Variants in OXR1 observed in about 807,000 individuals in gnomAD.
OXR1 encodes the protein oxidation resistance protein 1.
Under a neutral mutation model 104.6 loss-of-function variants are expected in OXR1, and 41 were observed. That is an observed-to-expected ratio of 0.39 (90% CI 0.31 to 0.51). The LOEUF (loss-of-function observed/expected upper bound fraction) is 0.51. Ranked by LOEUF, OXR1 falls within the 20% of genes least tolerant of loss-of-function variation. OXR1 has a pLI of 0.77. For synonymous variants in OXR1, 348 were observed against 348.4 expected (o/e 1.00, Z 0.01); for missense variants, 955 against 1,031.9 (o/e 0.93, Z 1.02).
rs528733765 is a variant in OXR1, at chr8:106,321,237, C to T, written c.-138-38239C>T. On this transcript the variant is annotated intron_variant, in intron 1 of 16. Coordinates refer to ENST00000517566, the MANE Select transcript of OXR1 (RefSeq NM_001198533.2). Reference sequence around the variant, plus strand: ...AAAATTTTGTTTGTTGATAGGACAACTGATGTTAAATAAATTTTTCCACAT... The same window carrying T: ...AAAATTTTGTTTGTTGATAGGACAATTGATGTTAAATAAATTTTTCCACAT... Among the ~76,000 whole-genome samples, 116 of 152,226 alleles carry T rather than the reference C, an allele frequency of 7.6e-4. No homozygotes were observed. The Middle Eastern group carries it at 0.014, about 18-fold the overall frequency.
chr8:106,533,110 C>T (rs1372498844), intron 3 of OXR1, among the ~76,000 whole-genome samples: 8 of 152,160 alleles, frequency 5.3e-5, no homozygotes, highest in African/African-American at 1.9e-4. Flanking sequence ...TTTATGGTGT[C>T]CTTTTCCTAG....
chr8:106,536,048 A>G (rs932690627), intron 3 of OXR1, among the ~76,000 whole-genome samples: 4 of 151,908 alleles, frequency 2.6e-5, no homozygotes, highest in African/African-American at 9.7e-5. Context: ...ATGAAACCCC[A>G]TCTCTACTAA....
intron 11 of OXR1, among the ~76,000 whole-genome samples, chr8:106,718,241 C>A (rs1216578017): frequency 6.6e-6 from 1 of 152,002 alleles, no homozygotes; most frequent in African/African-American, 2.4e-5. Context: ...CTATGGCACC[C>A]CAAATTACTA....
chr8:106,700,130 T>A (rs1308652193), intron 7 of OXR1, among the ~76,000 whole-genome samples: 1 of 152,204 alleles, frequency 6.6e-6, no homozygotes, highest in Non-Finnish European at 1.5e-5. Context: ...AAGTTGTTAA[T>A]ACAAAAGAAT....
chr8:106,287,245 G>A (rs1199707899), intron 1 of OXR1, among the ~76,000 whole-genome samples: 2 of 152,070 alleles, frequency 1.3e-5, no homozygotes, highest in African/African-American at 2.4e-5. Flanking sequence ...GTATAAATTA[G>A]GATTGTTCAT....
At chr8:106,446,468 A>G (rs573640997) in intron 2 of OXR1, among the ~76,000 whole-genome samples, 1 of 152,194 alleles carries the variant, frequency 6.6e-6, no homozygotes, top group African/African-American at 2.4e-5. Context: ...AAATGCAAAA[A>G]TTAGCCAGGC....
intron 1 of OXR1, among the ~76,000 whole-genome samples, chr8:106,341,278 C>A (rs1815235552): frequency 6.6e-6 from 1 of 151,714 alleles, no homozygotes; most frequent in South Asian, 2.1e-4. Flanking sequence ...TATACAAATT[C>A]AGGTTAATGA....
intron 2 of OXR1, among the ~76,000 whole-genome samples, chr8:106,498,480 AG>A (rs1439971896): frequency 2.0e-5 from 3 of 152,236 alleles, no homozygotes; most frequent in Non-Finnish European, 2.9e-5. Flanking sequence ...CACATATTGT[AG>A]TTTTGATCAA....
intron 1 of OXR1, among the ~76,000 whole-genome samples, chr8:106,287,227 T>A (rs1402426925): frequency 1.3e-5 from 2 of 152,168 alleles, no homozygotes; most frequent in Non-Finnish European, 2.9e-5. Context: ...AAAAGACGTG[T>A]GAAACATGTA....
intron 2 of OXR1, among the ~76,000 whole-genome samples, chr8:106,491,056 A>G (rs1041809293): frequency 5.9e-5 from 9 of 152,096 alleles, no homozygotes; most frequent in African/African-American, 1.9e-4. Context: ...GTTATCATTC[A>G]TTTCCCTCTG....
intron 11 of OXR1, chr8:106,729,767 G>A (rs561073563): frequency 6.6e-6 from 1 of 152,020 alleles, no homozygotes; most frequent in Admixed American, 6.6e-5. Flanking sequence ...AATAGCATAG[G>A]GGGCTTTCCA....
At chr8:106,736,215 C>G (rs1019226387) in intron 11 of OXR1, among the ~76,000 whole-genome samples, 3 of 141,664 alleles carry the variant, frequency 2.1e-5, no homozygotes, top group African/African-American at 7.5e-5. Context: ...CTTCTGGTTT[C>G]TAAGTACAGA....
intron 2 of OXR1, among the ~76,000 whole-genome samples, chr8:106,510,380 T>C (rs1359521881): frequency 6.6e-6 from 1 of 152,192 alleles, no homozygotes; most frequent in African/African-American, 2.4e-5. Context: ...GCACTTCTAA[T>C]AGAAAATGCT....
chr8:106,558,208 T>C (rs1209595923), intron 3 of OXR1, among the ~76,000 whole-genome samples: 1 of 152,210 alleles, frequency 6.6e-6, no homozygotes, highest in Non-Finnish European at 1.5e-5. Context: ...AAAGCTTCCC[T>C]CTTGAAGAGG....
chr8:106,337,088 T>G (rs1199290408), intron 1 of OXR1, among the ~76,000 whole-genome samples: 1 of 152,222 alleles, frequency 6.6e-6, no homozygotes, highest in Non-Finnish European at 1.5e-5. Context: ...AATATTTAAT[T>G]TGTAATTAGC....
At chr8:106,351,078 A>G (rs1815705530) in intron 1 of OXR1, among the ~76,000 whole-genome samples, 1 of 152,224 alleles carries the variant, frequency 6.6e-6, no homozygotes, top group African/African-American at 2.4e-5. Context: ...TACGGCTCCA[A>G]ATTAAAGAAA....
chr8:106,705,268 A>G (rs1831036093), intron 8 of OXR1, among the ~76,000 whole-genome samples: 1 of 152,194 alleles, frequency 6.6e-6, no homozygotes, highest in Non-Finnish European at 1.5e-5. Flanking sequence ...ACACTATTGT[A>G]TATTTAATAA....
At chr8:106,618,683 C>G (rs545180374) in intron 3 of OXR1, among the ~76,000 whole-genome samples, 1 of 152,310 alleles carries the variant, frequency 6.6e-6, no homozygotes, top group East Asian at 1.9e-4. Context: ...TGGCAGTGAT[C>G]AAGTCACATG....
intron 2 of OXR1, among the ~76,000 whole-genome samples, chr8:106,425,621 C>A (rs1388218749): frequency 3.9e-5 from 6 of 152,090 alleles, no homozygotes; most frequent in African/African-American, 1.2e-4. Flanking sequence ...TTATGTGGAC[C>A]ATTTCTGTCT....
Sources: allele counts gnomAD v4.1 joint callset (sites outside exome capture counted in the v4.1 genomes callset), GRCh38; gene constraint gnomAD v4.1.1; transcripts MANE v1.5; gene names NCBI Gene and HGNC (gene_info 2026-07-23, HGNC 2026-07-21).